EPHA5: variants seen among roughly 807,000 people sequenced by gnomAD.
EPHA5 encodes the protein EPH receptor A5.
In EPHA5, 60 loss-of-function variants were observed where a neutral mutation model predicts 105.0. The ratio of observed to expected loss-of-function variants is 0.57; its 90% CI spans 0.46 to 0.71. The LOEUF (loss-of-function observed/expected upper bound fraction) is 0.71. EPHA5 is among the 30% of genes least tolerant of loss of function. The pLI is 0.00. For synonymous variants in EPHA5, 513 were observed against 449.1 expected (o/e 1.14, Z -1.80); for missense variants, 1,218 against 1,274.7 (o/e 0.96, Z 0.68).
At chr4:65,396,885 C>T (rs2148969721) in intron 8 of EPHA5, among the ~76,000 whole-genome samples, 1 of 152,234 alleles carries the variant, frequency 6.6e-6, no homozygotes, top group African/African-American at 2.4e-5. Context: ...CTGAAAGTGG[C>T]CACCACAGTC....
intron 16 of EPHA5, chr4:65,330,792 A>G: frequency 9.7e-7 from 1 of 1,027,378 alleles, no homozygotes. Flanking sequence ...CAAAGAAATA[A>G]TGGACAAAGC....
chr4:65,327,959 T>A (rs1720239735), intron 16 of EPHA5, among the ~76,000 whole-genome samples: 1 of 151,334 alleles, frequency 6.6e-6, no homozygotes, highest in African/African-American at 2.4e-5. Flanking sequence ...ATAAGAATGA[T>A]ATTGCTGCCC....
intron 3 of EPHA5, among the ~76,000 whole-genome samples, chr4:65,582,222 T>C (rs1040224827): frequency 5.9e-5 from 9 of 151,694 alleles, no homozygotes; most frequent in African/African-American, 1.7e-4. Flanking sequence ...AAAATTTCCA[T>C]ATGACAAACA....
chr4:65,644,158 G>A (rs1335101002), intron 1 of EPHA5, among the ~76,000 whole-genome samples: 8 of 151,808 alleles, frequency 5.3e-5, no homozygotes, highest in Non-Finnish European at 2.9e-5. Flanking sequence ...ACTCCAGGAC[G>A]GAAGTTTGAG....
Position 65,322,217 on chromosome 4 carries a change from TGTG to T in EPHA5, c.*1894_*1896del. 1 of 224,114 alleles carries T rather than the reference TGTG, an allele frequency of 4.5e-6. No homozygotes were observed. Among genetic ancestry groups the T allele is most frequent in the Non-Finnish European group, 8.9e-6 (1 of 112,206 alleles). The allele number at this position is 224,114 out of a possible 1,614,324, so 13.9% of individuals were successfully genotyped here. A position where few individuals can be genotyped will look rare whatever the true frequency, so the allele number is the denominator to read the frequency against. ...ATTTGAAAACTGTTTAGATTTTTGT[TGTG>T]GTTATTTTGATGTTTCCTGGTTCTT... On this transcript the variant is annotated 3_prime_UTR_variant, in exon 17 of 17. Coordinates refer to ENST00000613740, the MANE Select transcript of EPHA5 (RefSeq NM_001281766.3).
At chr4:65,605,141 T>A (rs763998146) in intron 2 of EPHA5, among the ~76,000 whole-genome samples, 49 of 152,306 alleles carry the variant, frequency 3.2e-4, no homozygotes, top group Non-Finnish European at 5.9e-4. Context: ...TTGGGTTTGC[T>A]TGATTTATCT....
Position 65,335,938 on chromosome 4 carries a change from G to GATGCAT in EPHA5, c.2777_2782dup (p.Ala927_Ser928insTyrAla). The GATGCAT allele has an allele frequency of 6.2e-7, 1 of 1,608,870 alleles. No homozygotes were observed. Among genetic ancestry groups the GATGCAT allele is most frequent in the Non-Finnish European group, 8.5e-7 (1 of 1,177,230 alleles). ...CTCGGATCTGGCCTTGTACCTGCAGGATGCATTAACCAGCGTCTTCAGACT... is the reference window on the plus strand; with the variant it reads ...CTCGGATCTGGCCTTGTACCTGCAGGATGCATATGCATTAACCAGCGTCTTCAGACT... On this transcript the variant is annotated inframe_insertion, in exon 15 of 17. Transcript: ENST00000613740.
intron 11 of EPHA5, among the ~76,000 whole-genome samples, chr4:65,356,695 C>CAA: frequency 6.6e-6 from 1 of 151,510 alleles, no homozygotes; most frequent in African/African-American, 2.4e-5. Context: ...TGTTTGCAAA[C>CAA]AAGTATGATC....
chr4:65,422,868 C>T (rs772447679), intron 5 of EPHA5, among the ~76,000 whole-genome samples: 2 of 151,878 alleles, frequency 1.3e-5, no homozygotes, highest in Non-Finnish European at 2.9e-5. Context: ...CATCTAGTGT[C>T]GCCTATTAGA....
intron 2 of EPHA5, among the ~76,000 whole-genome samples, chr4:65,603,428 C>T (rs1469244646): frequency 6.6e-6 from 1 of 151,990 alleles, no homozygotes; most frequent in African/African-American, 2.4e-5. Context: ...ACCATACTGA[C>T]TTTCAAAAAA....
At chr4:65,557,259 T>TATATATATATATATATA (rs1560693532) in intron 3 of EPHA5, among the ~76,000 whole-genome samples, 203 of 142,084 alleles carry the variant, frequency 1.4e-3, no homozygotes, top group South Asian at 2.2e-3. Flanking sequence ...TATATATATA[T>TATATATATATATATATA]TCTCACACTT....
intron 2 of EPHA5, among the ~76,000 whole-genome samples, chr4:65,631,061 C>A (rs957635540): frequency 1.3e-5 from 2 of 152,000 alleles, no homozygotes; most frequent in Non-Finnish European, 2.9e-5. Flanking sequence ...CATCATTGTA[C>A]CCCTGCTCTT....
intron 3 of EPHA5, among the ~76,000 whole-genome samples, chr4:65,588,474 A>G (rs1742331205): frequency 1.3e-5 from 2 of 152,136 alleles, no homozygotes; most frequent in African/African-American, 4.8e-5. Flanking sequence ...AGATCTGCTC[A>G]GGGGAACAGT....
chr4:65,484,528 A>G (rs1730691680), intron 5 of EPHA5, among the ~76,000 whole-genome samples: 1 of 152,194 alleles, frequency 6.6e-6, no homozygotes, highest in African/African-American at 2.4e-5. Context: ...TGCTACCCAT[A>G]GCATGTCAAC....
At chr4:65,598,599 GTAAAATAATAGTTC>G (rs1341750563) in intron 3 of EPHA5, among the ~76,000 whole-genome samples, 1 of 152,124 alleles carries the variant, frequency 6.6e-6, no homozygotes, top group Non-Finnish European at 1.5e-5. Context: ...GCAAATATAG[GTAAAATAATAGTTC>G]TAAATTGTTT....
chr4:65,576,035 A>AAAGAAAG (rs1740907628), intron 3 of EPHA5, among the ~76,000 whole-genome samples: 1 of 121,990 alleles, frequency 8.2e-6, no homozygotes, highest in Non-Finnish European at 1.7e-5. Context: ...AGAAAGAAAG[A>AAAGAAAG]AAGAAAGAAA....
intron 3 of EPHA5, among the ~76,000 whole-genome samples, chr4:65,598,821 T>C (rs1276128258): frequency 6.6e-6 from 1 of 152,046 alleles, no homozygotes; most frequent in Non-Finnish European, 1.5e-5. Context: ...TGAAAAAAGT[T>C]AGCTTGGCTA....
chr4:65,509,269 C>A (rs1254432296), intron 3 of EPHA5, among the ~76,000 whole-genome samples: 3 of 152,064 alleles, frequency 2.0e-5, no homozygotes, highest in South Asian at 4.1e-4. Context: ...AAAGTTTCAA[C>A]CAGGTAAACT....
At chr4:65,591,544 A>G (rs1487666076) in intron 3 of EPHA5, among the ~76,000 whole-genome samples, 1 of 151,850 alleles carries the variant, frequency 6.6e-6, no homozygotes, top group East Asian at 1.9e-4. Flanking sequence ...TCACTCATAT[A>G]TTTATTTCAT....
Sources: gnomAD v4.1 joint callset for allele counts (sites outside exome capture counted in the v4.1 genomes callset) on GRCh38, gnomAD v4.1.1 for gene constraint, MANE v1.5 for transcripts, NCBI Gene and HGNC (gene_info 2026-07-23, HGNC 2026-07-21) for gene names.